The following STK3 variants were observed in gnomAD, a reference collection of about 807,000 sequenced individuals.
STK3 encodes the protein serine/threonine-protein kinase 3.
Under a neutral mutation model 58.0 loss-of-function variants are expected in STK3, and 41 were observed. The ratio of observed to expected loss-of-function variants is 0.71; its 90% CI spans 0.55 to 0.92. The LOEUF is 0.92. Ranked by LOEUF, STK3 falls within the 40% of genes least tolerant of loss-of-function variation. The pLI is 0.00. For missense variants in STK3, 479 were observed against 602.7 expected (o/e 0.79, Z 2.15); for synonymous variants, 170 against 191.0 (o/e 0.89, Z 0.91).
intron 2 of STK3, among the ~76,000 whole-genome samples, chr8:98,774,208 T>C (rs1233868862): frequency 1.3e-5 from 2 of 152,216 alleles, no homozygotes; most frequent in Non-Finnish European, 2.9e-5. Flanking sequence ...AATTCTCCTA[T>C]ACTTTGCCAT....
intron 3 of STK3, among the ~76,000 whole-genome samples, chr8:98,394,021 G>A (rs1817872989): frequency 1.3e-5 from 2 of 152,216 alleles, no homozygotes; most frequent in African/African-American, 4.8e-5. Flanking sequence ...CAAGGCTTTA[G>A]TGGTACCAGT....
chr8:98,904,502 A>G lies in STK3; in HGVS notation c.-78-20668T>C, dbSNP rs76669170. 3.9e-5 allele frequency: 15 copies of G among 388,036 alleles called. No homozygotes were observed. In the East Asian group the frequency reaches 8.9e-4, roughly 23 times the overall value. 24.0% of individuals were successfully genotyped at this position (388,036 alleles called of 1,614,324 possible). ...CTTTTGTTTACTGAAACGTGAAGCA[A>G]TGGAAACATCCTGGCAAAGGGGACC... On this transcript the variant is annotated intron_variant, in intron 1 of 1. Coordinates refer to the STK3 transcript ENST00000519420.
chr8:98,892,388 G>A (rs946156308), intron 1 of STK3, among the ~76,000 whole-genome samples: 1 of 152,192 alleles, frequency 6.6e-6, no homozygotes, highest in Non-Finnish European at 1.5e-5. Flanking sequence ...TTTCTAAGAT[G>A]CAGATCTGAT....
chr8:98,544,892 A>G (rs953053869), intron 9 of STK3, among the ~76,000 whole-genome samples: 1 of 152,182 alleles, frequency 6.6e-6, no homozygotes, highest in East Asian at 1.9e-4. Flanking sequence ...TCAGATACCC[A>G]TAAGACATAG....
Position 98,481,720 on chromosome 8 carries a change from TGA to T in STK3, c.1318-25722_1318-25721del, listed in dbSNP as rs1491358608. Among the ~76,000 whole-genome samples, 31 of 141,208 alleles carry T rather than the reference TGA, an allele frequency of 2.2e-4. No homozygotes were observed. The East Asian group carries it at 4.4e-3, about 20-fold the overall frequency. The allele number at this position is 141,208 out of a possible 152,430, so 92.6% of individuals were successfully genotyped here. On this transcript the variant is annotated intron_variant, in intron 10 of 10. Transcript: ENST00000419617. ...AAACCACTAGTATCCCTAAAGCTAT[TGA>T]AAAAAAAAAAAAAAACTTAGTAAGC... is the stretch of plus-strand genomic sequence containing the variant.
intron 1 of STK3, among the ~76,000 whole-genome samples, chr8:98,900,237 C>G (rs1033528590): frequency 1.3e-5 from 2 of 151,914 alleles, no homozygotes; most frequent in African/African-American, 4.8e-5. Context: ...CCACTACACC[C>G]GGCTAATTTT....
In STK3 at chr8:98,774,888, A is replaced by T. The variant is rs1370534790; in HGVS notation, c.27-69T>A. 9 of 1,108,122 alleles carry T rather than the reference A, an allele frequency of 8.1e-6. 1 individual carries two copies. Among genetic ancestry groups the T allele is most frequent in the Non-Finnish European group, 1.1e-5 (9 of 797,736 alleles). The allele number at this position is 1,108,122 out of a possible 1,614,324, so 68.6% of individuals were successfully genotyped here. ...ACCTTTTACAAAATTTTTAATTTTTAAAATTTTACCAAGTTTTTAATTTTA... is the reference window on the plus strand; with the variant it reads ...ACCTTTTACAAAATTTTTAATTTTTTAAATTTTACCAAGTTTTTAATTTTA... On this transcript the variant is annotated intron_variant, in intron 1 of 10. Coordinates refer to ENST00000419617, the MANE Select transcript of STK3 (RefSeq NM_006281.4).
chr8:98,941,897 A>C (rs1270082622), intron 1 of STK3, among the ~76,000 whole-genome samples: 1 of 152,252 alleles, frequency 6.6e-6, no homozygotes, highest in Non-Finnish European at 1.5e-5. Flanking sequence ...CGGAAATTTC[A>C]GAGCCAGCCA....
intron 9 of STK3, among the ~76,000 whole-genome samples, chr8:98,535,965 T>G (rs1215647801): frequency 1.3e-5 from 2 of 152,026 alleles, no homozygotes; most frequent in Non-Finnish European, 2.9e-5. Context: ...GAAGAAACAG[T>G]TTGATTAGAG....
At chr8:98,931,372 T>C (rs1209810720) in intron 1 of STK3, among the ~76,000 whole-genome samples, 1 of 152,128 alleles carries the variant, frequency 6.6e-6, no homozygotes, top group Non-Finnish European at 1.5e-5. Context: ...GCTCATAAAG[T>C]CTACTTTATG....
intron 6 of STK3, among the ~76,000 whole-genome samples, chr8:98,655,129 A>C (rs1821371899): frequency 6.6e-6 from 1 of 152,072 alleles, no homozygotes; most frequent in African/African-American, 2.4e-5. Context: ...ACTGGTACCA[A>C]AACAGAGATA....
chr8:98,912,536 G>A (rs1337881513), intron 1 of STK3, among the ~76,000 whole-genome samples: 1 of 152,128 alleles, frequency 6.6e-6, no homozygotes, highest in East Asian at 1.9e-4. Context: ...AAAGCCACAG[G>A]CTCTCTTCAT....
intron 4 of STK3, among the ~76,000 whole-genome samples, chr8:98,712,410 A>T (rs1826551983): frequency 6.6e-6 from 1 of 152,166 alleles, no homozygotes; most frequent in Admixed American, 6.5e-5. Context: ...AGAGACACAC[A>T]TAGGCTCAAA....
At chr8:98,820,679 T>TA (rs1405152270) in intron 1 of STK3, among the ~76,000 whole-genome samples, 3 of 152,094 alleles carry the variant, frequency 2.0e-5, no homozygotes, top group East Asian at 1.9e-4. Flanking sequence ...AGTTCCCCTA[T>TA]AAAAAATCCA....
chr8:98,497,835 A>G (rs1823259992), intron 10 of STK3, among the ~76,000 whole-genome samples: 1 of 152,194 alleles, frequency 6.6e-6, no homozygotes, highest in Admixed American at 6.5e-5. Flanking sequence ...ACCCTCATAC[A>G]CTGCTGACAG....
chr8:98,765,102 C>T (rs1029294529), intron 3 of STK3, among the ~76,000 whole-genome samples: 1 of 152,128 alleles, frequency 6.6e-6, no homozygotes, highest in African/African-American at 2.4e-5. Flanking sequence ...CCTGACTTTC[C>T]TAGACAACAC....
chr8:98,673,706 G>A (rs190808245), intron 6 of STK3, among the ~76,000 whole-genome samples: 79 of 152,230 alleles, frequency 5.2e-4, no homozygotes, highest in African/African-American at 1.7e-3. Context: ...TAAGAGTTCT[G>A]AAGGCCACTG....
intron 6 of STK3, among the ~76,000 whole-genome samples, chr8:98,636,273 A>G (rs965435069): frequency 4.6e-5 from 7 of 152,136 alleles, no homozygotes; most frequent in Non-Finnish European, 1.0e-4. Flanking sequence ...AAAAGCTAGG[A>G]TTCTACCACT....
At chr8:98,720,303 A>G (rs983822002) in intron 4 of STK3, among the ~76,000 whole-genome samples, 9 of 152,242 alleles carry the variant, frequency 5.9e-5, no homozygotes, top group African/African-American at 1.7e-4. Flanking sequence ...ATTCCTTTTA[A>G]CAGACGAGGA....
Sources: allele counts gnomAD v4.1 joint callset (sites outside exome capture counted in the v4.1 genomes callset), GRCh38; gene constraint gnomAD v4.1.1; transcripts MANE v1.5; gene names NCBI Gene and HGNC (gene_info 2026-07-23, HGNC 2026-07-21).